Variants in DLG2 observed in about 807,000 individuals in gnomAD.
DLG2 encodes discs large MAGUK scaffold protein 2, also known as disks large homolog 2.
In DLG2, 45 loss-of-function variants were observed where a neutral mutation model predicts 132.5. The observed-to-expected ratio is 0.34, with a 90% CI of 0.27 to 0.44. The LOEUF (loss-of-function observed/expected upper bound fraction) is 0.44, where lower values mean the gene tolerates loss of function less well. Among genes scored for constraint, DLG2 ranks in the 20% least tolerant of loss-of-function variants. DLG2 has a pLI of 1.00. For synonymous variants in DLG2, 424 were observed against 419.6 expected (o/e 1.01, Z -0.13); for missense variants, 1,045 against 1,196.9 (o/e 0.87, Z 1.87).
intron 16 of DLG2, among the ~76,000 whole-genome samples, chr11:83,837,716 T>C (rs982154155): frequency 7.5e-5 from 2 of 26,552 alleles, no homozygotes; most frequent in South Asian, 1.2e-3. Flanking sequence ...TCCAAATACA[T>C]AGCAAGCAAA....
intron 19 of DLG2, among the ~76,000 whole-genome samples, chr11:83,606,633 T>C (rs2059366041): frequency 6.8e-6 from 1 of 147,370 alleles, no homozygotes; most frequent in Non-Finnish European, 1.5e-5. Flanking sequence ...TAGTGTTTGT[T>C]AAAAAAAAAA....
chr11:83,487,164 TA>T (rs934269649), intron 21 of DLG2, among the ~76,000 whole-genome samples: 3 of 152,194 alleles, frequency 2.0e-5, no homozygotes, highest in African/African-American at 7.2e-5. Context: ...GACAGTATCT[TA>T]GCTCTAGATC....
At chr11:84,752,299 A>G (rs1271402339) in intron 6 of DLG2, among the ~76,000 whole-genome samples, 1 of 152,186 alleles carries the variant, frequency 6.6e-6, no homozygotes, top group African/African-American at 2.4e-5. Flanking sequence ...TAAAAAAGAC[A>G]AAGTTCTGCT....
At chr11:84,071,617 A>C (rs946396688) in intron 10 of DLG2, among the ~76,000 whole-genome samples, 8 of 152,176 alleles carry the variant, frequency 5.3e-5, no homozygotes, top group Non-Finnish European at 1.2e-4. Flanking sequence ...AAAAAGTTGT[A>C]ACTAGTCTTC....
chr11:83,882,267 T>TA (rs1371220289), intron 15 of DLG2, among the ~76,000 whole-genome samples: 1 of 151,824 alleles, frequency 6.6e-6, no homozygotes, highest in South Asian at 2.1e-4. Context: ...CCCTCACATA[T>TA]AAAAAAAAGA....
intron 9 of DLG2, among the ~76,000 whole-genome samples, chr11:84,130,865 C>CT (rs1417567180): frequency 6.6e-5 from 10 of 150,888 alleles, no homozygotes; most frequent in Non-Finnish European, 1.2e-4. Context: ...GAAAGTGGAA[C>CT]TACCTGTTCT....
At chr11:85,340,656 AT>A (rs1243678874) in intron 3 of DLG2, among the ~76,000 whole-genome samples, 2 of 152,126 alleles carry the variant, frequency 1.3e-5, no homozygotes, top group South Asian at 2.1e-4. Flanking sequence ...AAAAGGTAAA[AT>A]TTTTTTAAAA....
chr11:84,326,378 C>T (rs1350478704), intron 7 of DLG2, among the ~76,000 whole-genome samples: 1 of 151,874 alleles, frequency 6.6e-6, no homozygotes, highest in East Asian at 1.9e-4. Context: ...ACAAACTTTA[C>T]TTTTAGTACT....
At chr11:85,098,747 TA>T (rs1594146511) in intron 6 of DLG2, among the ~76,000 whole-genome samples, 1 of 152,318 alleles carries the variant, frequency 6.6e-6, no homozygotes, top group Non-Finnish European at 1.5e-5. Context: ...TTATCATGTT[TA>T]TTTTTTTTTA....
chr11:85,161,470 A>T (rs2152473238), intron 4 of DLG2, among the ~76,000 whole-genome samples: 1 of 152,260 alleles, frequency 6.6e-6, no homozygotes, highest in Middle Eastern at 3.4e-3. Flanking sequence ...TGTCAGGTTG[A>T]TTATATTGGA....
chr11:84,317,021 T>C (rs2098365902), intron 7 of DLG2: 2 of 1,612,828 alleles, frequency 1.2e-6, no homozygotes, highest in African/African-American at 1.3e-5. Context: ...CCCGAGCCCC[T>C]GACAGTTCCT....
At chr11:84,181,436 T>C (rs995546497) in intron 8 of DLG2, among the ~76,000 whole-genome samples, 1 of 151,802 alleles carries the variant, frequency 6.6e-6, no homozygotes, top group African/African-American at 2.4e-5. Flanking sequence ...AAGACAAAAA[T>C]AGGATGAAAG....
At chr11:84,841,733 A>G (rs1430426172) in intron 6 of DLG2, among the ~76,000 whole-genome samples, 1 of 151,970 alleles carries the variant, frequency 6.6e-6, no homozygotes, top group Admixed American at 6.6e-5. Flanking sequence ...GTTACAGTAT[A>G]ATCAAAGTGC....
chr11:84,122,040 G>T (rs2093947998), intron 9 of DLG2, among the ~76,000 whole-genome samples: 1 of 151,816 alleles, frequency 6.6e-6, no homozygotes, highest in African/African-American at 2.4e-5. Flanking sequence ...ATAATTCTGG[G>T]CTGGGTGCGG....
intron 6 of DLG2, among the ~76,000 whole-genome samples, chr11:85,019,748 A>G (rs1254550110): frequency 6.6e-6 from 1 of 152,086 alleles, no homozygotes; most frequent in African/African-American, 2.4e-5. Context: ...GACAGTTTGC[A>G]GAGAATGATG....
chr11:84,253,752 A>G (rs1350815599), intron 7 of DLG2, among the ~76,000 whole-genome samples: 2 of 152,138 alleles, frequency 1.3e-5, no homozygotes, highest in African/African-American at 4.8e-5. Flanking sequence ...CACTATTTCT[A>G]TGTTATATAT....
chr11:84,625,730 C>T (rs1394528091), intron 6 of DLG2, among the ~76,000 whole-genome samples: 1 of 152,128 alleles, frequency 6.6e-6, no homozygotes, highest in African/African-American at 2.4e-5. Context: ...CTGAGGTTAT[C>T]TGAAATTTTG....
At chr11:84,511,177 G>C (rs938265034) in intron 7 of DLG2, among the ~76,000 whole-genome samples, 1 of 152,046 alleles carries the variant, frequency 6.6e-6, no homozygotes, top group Non-Finnish European at 1.5e-5. Context: ...ATAGTGCTCA[G>C]CTTACATCAA....
intron 18 of DLG2, among the ~76,000 whole-genome samples, chr11:83,724,455 C>T (rs1269230189): frequency 8.6e-6 from 1 of 115,706 alleles, no homozygotes. Context: ...CAATCTCTCT[C>T]TCCGTGTGTG....
Sources: gnomAD v4.1 joint callset for allele counts (sites outside exome capture counted in the v4.1 genomes callset) on GRCh38, gnomAD v4.1.1 for gene constraint, MANE v1.5 for transcripts, NCBI Gene and HGNC (gene_info 2026-07-23, HGNC 2026-07-21) for gene names.